The following TENM3 variants were observed in gnomAD, a reference collection of about 807,000 sequenced individuals.
TENM3 encodes the protein teneurin-3.
A neutral mutation model predicts 255.1 loss-of-function variants in TENM3; 63 were observed. That is an observed-to-expected ratio of 0.25 (90% CI 0.20 to 0.30). The LOEUF (loss-of-function observed/expected upper bound fraction) is 0.30. TENM3 is among the 10% of genes least tolerant of loss of function. TENM3 has a pLI of 1.00. For missense variants in TENM3, 2,929 were observed against 3,461.1 expected (o/e 0.85, Z 3.86); for synonymous variants, 1,306 against 1,322.3 (o/e 0.99, Z 0.27).
the TENM3 span, among the ~76,000 whole-genome samples, chr4:181,806,511 A>G: frequency 0.045 from 6,796 of 152,304 alleles, 241 homozygotes; most frequent in East Asian, 0.15. Context: ...TGATTGGGCC[A>G]TGAATGCGCC....
At chr4:182,117,475 G>A in the TENM3 span, among the ~76,000 whole-genome samples, 2 of 152,102 alleles carry the variant, frequency 1.3e-5, no homozygotes, top group South Asian at 2.1e-4. Context: ...GTTAATTTTT[G>A]TGAACATTGT....
the TENM3 span, among the ~76,000 whole-genome samples, chr4:181,666,897 C>G: frequency 2.0e-5 from 3 of 152,178 alleles, no homozygotes; most frequent in South Asian, 2.1e-4. Flanking sequence ...CGCTCCTGCA[C>G]TAGTCCCATT....
the TENM3 span, among the ~76,000 whole-genome samples, chr4:182,120,809 A>G: frequency 6.6e-6 from 1 of 152,112 alleles, no homozygotes; most frequent in Non-Finnish European, 1.5e-5. Context: ...CAAGCAGACC[A>G]GGATTCCTGA....
At chr4:181,994,802 G>C in the TENM3 span, among the ~76,000 whole-genome samples, 1 of 152,208 alleles carries the variant, frequency 6.6e-6, no homozygotes, top group South Asian at 2.1e-4. Flanking sequence ...GAAAAACAGA[G>C]TAAATAACAA....
At chr4:181,792,356 G>A in the TENM3 span, among the ~76,000 whole-genome samples, 1 of 152,106 alleles carries the variant, frequency 6.6e-6, no homozygotes, top group East Asian at 1.9e-4. Context: ...GTCATAGAAT[G>A]TTATAAGGAA....
the TENM3 span, among the ~76,000 whole-genome samples, chr4:181,705,057 A>AGC: frequency 6.7e-6 from 1 of 150,048 alleles, no homozygotes; most frequent in Non-Finnish European, 1.5e-5. Context: ...AAAACAAAAA[A>AGC]AAAAAAACAA....
the TENM3 span, among the ~76,000 whole-genome samples, chr4:181,653,589 C>T: frequency 1.3e-5 from 2 of 151,730 alleles, no homozygotes; most frequent in East Asian, 1.9e-4. Flanking sequence ...TTAGTAGAGA[C>T]GGGGTTTTAC....
the TENM3 span, among the ~76,000 whole-genome samples, chr4:181,869,213 A>G: frequency 6.6e-6 from 1 of 152,178 alleles, no homozygotes; most frequent in African/African-American, 2.4e-5. Context: ...TATGTTAATT[A>G]TCTGTTACCC....
chr4:182,154,484 A>G (rs144233725), intron 1 of TENM3, among the ~76,000 whole-genome samples: 177 of 152,294 alleles, frequency 1.2e-3, no homozygotes, highest in African/African-American at 4.2e-3. Context: ...TTTATATGGA[A>G]TTTTAGTCTA....
chr4:182,590,775 A>G (rs6850151), intron 3 of TENM3, among the ~76,000 whole-genome samples: 149,207 of 150,664 alleles, frequency 0.99, 73,901 homozygotes, highest in Middle Eastern at 1. Context: ...CTTGAACCTC[A>G]GAGGCGGAGG....
chr4:182,001,301 A>T, the TENM3 span, among the ~76,000 whole-genome samples: 5 of 152,096 alleles, frequency 3.3e-5, no homozygotes, highest in African/African-American at 4.8e-5. Context: ...CATAGTTAGC[A>T]AATGTGGGTG....
chr4:182,792,629 G>A lies in TENM3; in HGVS notation c.5957G>A (p.Gly1986Asp), dbSNP rs1392134992. 1 of 1,613,948 alleles carries A rather than the reference G, an allele frequency of 6.2e-7. No individual in the cohort carries two copies. Among genetic ancestry groups the A allele is most frequent in the Non-Finnish European group, 8.5e-7 (1 of 1,179,894 alleles). ...AAGACAGTAAACCTCCAGAGTGATG[G>A]TTTTATTTGCACCATTAGATACAGG... Reference protein sequence around the residue: ...VLKTVNLQSDGFICTIRYRQI... With the variant: ...VLKTVNLQSDDFICTIRYRQI... The change falls in exon 26 of 28, where the codon GGT becomes GAT. Residue 1986 changes from glycine to aspartate, a missense_variant. Physicochemically the swap from Gly to Asp is moderately conservative, Grantham distance 94. Around this residue, in one of 6 missense-constraint regions of TENM3, gnomAD observed 303 missense variants for 425.2 expected, o/e 0.71. Transcript: ENST00000511685. This position sits in a 1 kb window ranked among gnomAD's most constrained non-coding sequence, Gnocchi z 6.3.
In TENM3 at chr4:182,727,430, TG is replaced by T. The variant is rs554913206; in HGVS notation, c.2369-1532del. 3.6e-3 allele frequency among the ~76,000 whole-genome samples: 450 copies of T among 125,144 alleles called. 3 individuals are homozygous for T. The highest frequency in any genetic ancestry group is 0.013 in the African/African-American group (424 of 32,006). 82.1% of individuals were successfully genotyped at this position (125,144 alleles called of 152,430 possible). On this transcript the variant is annotated intron_variant, in intron 13 of 27. Coordinates refer to ENST00000511685, the MANE Select transcript of TENM3 (RefSeq NM_001080477.4). ...GAGATCGTGCCACTGCACTCCAACC[TG>T]GGTGACAGAGGAAGACTCAGTCTCA...
intron 1 of TENM3, among the ~76,000 whole-genome samples, chr4:182,214,367 T>C (rs1755292676): frequency 6.6e-6 from 1 of 152,198 alleles, no homozygotes; most frequent in Non-Finnish European, 1.5e-5. Context: ...AGTGATATCC[T>C]TGGAAATCTT....
intron 4 of TENM3, among the ~76,000 whole-genome samples, chr4:182,622,772 TTTTA>T (rs575949133): frequency 1.5e-3 from 228 of 152,312 alleles, no homozygotes; most frequent in Middle Eastern, 3.4e-3. Flanking sequence ...ATAGTCACCA[TTTTA>T]TTTATTTTAC....
chr4:182,771,985 A>T (rs1033549253), intron 22 of TENM3, among the ~76,000 whole-genome samples: 2 of 151,970 alleles, frequency 1.3e-5, no homozygotes, highest in Admixed American at 1.3e-4. Flanking sequence ...TGTCAGTCAA[A>T]CCCATGATCT....
chr4:182,609,528 G>C (rs1748786016), intron 4 of TENM3, among the ~76,000 whole-genome samples: 1 of 152,138 alleles, frequency 6.6e-6, no homozygotes, highest in African/African-American at 2.4e-5. Flanking sequence ...AATTCTATTT[G>C]ATAACCCCTC....
At chr4:182,755,757 G>A (rs1421270027) in intron 22 of TENM3, among the ~76,000 whole-genome samples, 1 of 151,760 alleles carries the variant, frequency 6.6e-6, no homozygotes, top group Non-Finnish European at 1.5e-5. Flanking sequence ...GGAGAATGGC[G>A]TGAACCCGGG....
At chr4:182,688,077 T>C in intron 11 of TENM3, 89 bp from the exon 12 acceptor site, 2 of 1,256,690 alleles carry the variant, frequency 1.6e-6, no homozygotes, top group South Asian at 1.6e-5. Context: ...TTGAACAAAT[T>C]TGTGTGGAAG....
Sources: allele counts gnomAD v4.1 joint callset (sites outside exome capture counted in the v4.1 genomes callset), GRCh38; gene constraint gnomAD v4.1.1; regional missense constraint gnomAD v4.1.1; non-coding constraint Gnocchi (gnomAD v3.1); transcripts MANE v1.5; gene names NCBI Gene and HGNC (gene_info 2026-07-23, HGNC 2026-07-21).